Variants in PDE1A observed in about 807,000 individuals in gnomAD.
PDE1A encodes dual specificity calcium/calmodulin-dependent 3',5'-cyclic nucleotide phosphodiesterase 1A.
PDE1A carries 35 observed loss-of-function variants against 61.7 expected under a neutral mutation model. The ratio of observed to expected loss-of-function variants is 0.57; its 90% CI spans 0.43 to 0.75. The LOEUF (loss-of-function observed/expected upper bound fraction) is 0.75, where lower values mean the gene tolerates loss of function less well. Ranked by LOEUF, PDE1A falls within the 30% of genes least tolerant of loss-of-function variation. The pLI, the probability that PDE1A is intolerant of heterozygous loss-of-function variation, is 0.00. For synonymous variants in PDE1A, 232 were observed against 213.2 expected (o/e 1.09, Z -0.77); for missense variants, 597 against 630.6 (o/e 0.95, Z 0.57).
At chr2:182,645,287 A>G in the PDE1A span, among the ~76,000 whole-genome samples, 6 of 132,086 alleles carry the variant, frequency 4.5e-5, no homozygotes, top group Admixed American at 8.0e-5. Flanking sequence ...CCTCTTCTGT[A>G]TTTTTGTGGC....
At chr2:182,441,099 A>T in intron 2 of PDE1A, among the ~76,000 whole-genome samples, 1 of 152,046 alleles carries the variant, frequency 6.6e-6, no homozygotes, top group East Asian at 1.9e-4. Flanking sequence ...GCCAAGGGTC[A>T]TCTTACATGG....
At chr2:182,714,581 C>T in the PDE1A span, among the ~76,000 whole-genome samples, 9 of 151,184 alleles carry the variant, frequency 6.0e-5, no homozygotes, top group Non-Finnish European at 1.2e-4. Context: ...TTTTTTTTCC[C>T]CCAAGACAGA....
At chr2:182,255,774 C>G (rs771040563) in intron 2 of PDE1A, among the ~76,000 whole-genome samples, 3 of 151,534 alleles carry the variant, frequency 2.0e-5, no homozygotes, top group Non-Finnish European at 4.4e-5. Context: ...TCTCCTGCCT[C>G]ACCCTCCCAA....
intron 1 of PDE1A, among the ~76,000 whole-genome samples, chr2:182,330,984 T>C (rs1301664206): frequency 6.6e-6 from 1 of 152,172 alleles, no homozygotes; most frequent in Non-Finnish European, 1.5e-5. Flanking sequence ...TTTCCAGACA[T>C]TGTGCTCCAC....
the PDE1A span, among the ~76,000 whole-genome samples, chr2:182,690,898 G>A: frequency 2.6e-5 from 4 of 152,044 alleles, no homozygotes; most frequent in African/African-American, 9.7e-5. Flanking sequence ...GACAAACAGA[G>A]AGCCAAATCA....
At chr2:182,287,058 C>A (rs887384938) in intron 1 of PDE1A, among the ~76,000 whole-genome samples, 2 of 152,096 alleles carry the variant, frequency 1.3e-5, no homozygotes, top group African/African-American at 4.8e-5. Flanking sequence ...CCTGCTTTAC[C>A]TTGCTGAACT....
At chr2:182,542,181 C>G in the PDE1A span, among the ~76,000 whole-genome samples, 1 of 152,108 alleles carries the variant, frequency 6.6e-6, no homozygotes, top group Admixed American at 6.5e-5. Flanking sequence ...TACATCTATA[C>G]CTATGCGATT....
the PDE1A span, among the ~76,000 whole-genome samples, chr2:182,530,197 C>T: frequency 2.6e-5 from 4 of 151,578 alleles, no homozygotes; most frequent in Admixed American, 1.3e-4. Flanking sequence ...TGTTTTCAAG[C>T]CATTAGCCAT....
intron 2 of PDE1A, among the ~76,000 whole-genome samples, chr2:182,508,058 AGAG>A (rs912112709): frequency 8.5e-5 from 13 of 152,130 alleles, no homozygotes; most frequent in African/African-American, 2.9e-4. Flanking sequence ...TAACAAGAAT[AGAG>A]TAGTAGCTTA....
At chr2:182,469,687 G>C (rs1480420716) in intron 2 of PDE1A, among the ~76,000 whole-genome samples, 1 of 151,866 alleles carries the variant, frequency 6.6e-6, no homozygotes, top group Non-Finnish European at 1.5e-5. Flanking sequence ...GCCTATCTCG[G>C]CTTTCACTGT....
intron 1 of PDE1A, among the ~76,000 whole-genome samples, chr2:182,413,478 T>C (rs558690732): frequency 1.3e-5 from 2 of 152,230 alleles, no homozygotes; most frequent in Non-Finnish European, 2.9e-5. Context: ...TTGTTAAGAA[T>C]GATAAGAAGT....
At chr2:182,464,916 T>C (rs1357418793) in intron 2 of PDE1A, among the ~76,000 whole-genome samples, 1 of 152,132 alleles carries the variant, frequency 6.6e-6, no homozygotes, top group African/African-American at 2.4e-5. Context: ...GCAGAACTAC[T>C]GATACATGAT....
chr2:182,574,159 G>T, the PDE1A span, among the ~76,000 whole-genome samples: 1 of 151,772 alleles, frequency 6.6e-6, no homozygotes, highest in African/African-American at 2.4e-5. Flanking sequence ...ATGTAGGCTG[G>T]GAGGCTAGGC....
At chr2:182,489,486 G>A (rs958838662) in intron 2 of PDE1A, among the ~76,000 whole-genome samples, 2 of 152,206 alleles carry the variant, frequency 1.3e-5, no homozygotes, top group Non-Finnish European at 2.9e-5. Context: ...AGCAGGCCAT[G>A]GCAGGTGGGA....
chr2:182,473,440 C>A (rs1037626305), intron 2 of PDE1A, among the ~76,000 whole-genome samples: 4 of 150,970 alleles, frequency 2.6e-5, no homozygotes, highest in Non-Finnish European at 3.0e-5. Context: ...AAGAAAAAAA[C>A]AAACAACCCC....
chr2:182,442,130 C>T (rs970359504), intron 2 of PDE1A, among the ~76,000 whole-genome samples: 8 of 152,162 alleles, frequency 5.3e-5, no homozygotes, highest in African/African-American at 1.7e-4. Flanking sequence ...ACTGGTATTG[C>T]ATCACTATTA....
chr2:182,371,077 A>G lies in PDE1A; in HGVS notation c.53+55501T>C, dbSNP rs141143196. 2.9e-3 allele frequency among the ~76,000 whole-genome samples: 444 copies of G among 152,356 alleles called. 3 individuals carry two copies. The highest frequency in any genetic ancestry group is 0.01 in the African/African-American group (424 of 41,584). ...AGGTATAGGCTAGGCAGAAAATCTT[A>G]GCCCATCCAAAGCAGCAGCTGGATG... On this transcript the variant is annotated intron_variant, in intron 1 of 13. Coordinates refer to ENST00000351439, the Ensembl canonical transcript of PDE1A.
intron 2 of PDE1A, among the ~76,000 whole-genome samples, chr2:182,472,970 T>C (rs1687129127): frequency 6.6e-6 from 1 of 151,668 alleles, no homozygotes; most frequent in South Asian, 2.1e-4. Context: ...TTTTATTTTA[T>C]TGTTATTATA....
chr2:182,588,545 A>C, the PDE1A span, among the ~76,000 whole-genome samples: 1 of 152,236 alleles, frequency 6.6e-6, no homozygotes, highest in South Asian at 2.1e-4. Flanking sequence ...AGGTCTTAAA[A>C]ATGAACAACC....
Sources: gnomAD v4.1 joint callset for allele counts (sites outside exome capture counted in the v4.1 genomes callset) on GRCh38, gnomAD v4.1.1 for gene constraint, MANE v1.5 for transcripts, NCBI Gene and HGNC (gene_info 2026-07-23, HGNC 2026-07-21) for gene names.